The following RAD51B variants were observed in gnomAD, a reference collection of about 807,000 sequenced individuals.
RAD51B encodes RAD51 paralog B.
Under a neutral mutation model 42.2 loss-of-function variants are expected in RAD51B, and 38 were observed. The ratio of observed to expected loss-of-function variants is 0.90; its 90% CI spans 0.70 to 1.18. The LOEUF is 1.18. Ranked by LOEUF, RAD51B falls within the 50% of genes most tolerant of loss-of-function variation. RAD51B has a pLI of 0.00. For synonymous variants in RAD51B, 154 were observed against 145.2 expected (o/e 1.06, Z -0.43); for missense variants, 373 against 400.7 (o/e 0.93, Z 0.59).
At chr14:68,462,489 G>A (rs1183852793) in intron 9 of RAD51B, among the ~76,000 whole-genome samples, 1 of 152,216 alleles carries the variant, frequency 6.6e-6, no homozygotes, top group African/African-American at 2.4e-5. Flanking sequence ...AGATGGTAGT[G>A]GGATTGGGGA....
At chr14:68,506,680 C>G (rs1885350872) in intron 10 of RAD51B, among the ~76,000 whole-genome samples, 1 of 152,134 alleles carries the variant, frequency 6.6e-6, no homozygotes, top group South Asian at 2.1e-4. Flanking sequence ...CCTAGGCGCT[C>G]TCATTTATAC....
At chr14:68,047,142 T>C (rs2076314813) in intron 7 of RAD51B, among the ~76,000 whole-genome samples, 1 of 152,150 alleles carries the variant, frequency 6.6e-6, no homozygotes. Context: ...AGAGCCTATA[T>C]TTGTTTTTTG....
At chr14:67,886,297 A>C (rs1414764615) in intron 6 of RAD51B, among the ~76,000 whole-genome samples, 2 of 152,100 alleles carry the variant, frequency 1.3e-5, no homozygotes, top group Non-Finnish European at 2.9e-5. Context: ...ATAGTTTCTG[A>C]GGGTTAAGTG....
chr14:68,087,423 A>C (rs2077001480), intron 7 of RAD51B, among the ~76,000 whole-genome samples: 1 of 152,242 alleles, frequency 6.6e-6, no homozygotes, highest in East Asian at 1.9e-4. Context: ...TATCATTCCC[A>C]TTATGATTCA....
chr14:68,158,970 G>A (rs930747299), intron 7 of RAD51B, among the ~76,000 whole-genome samples: 3 of 152,106 alleles, frequency 2.0e-5, no homozygotes, highest in African/African-American at 4.8e-5. Flanking sequence ...ACCAAAGTAA[G>A]TGTTAGAAGA....
chr14:68,236,198 CT>C (rs1243383360), intron 7 of RAD51B: 5 of 152,110 alleles, frequency 3.3e-5, no homozygotes, highest in African/African-American at 1.2e-4. Flanking sequence ...ATATGTGCCC[CT>C]GAACCTAAAA....
intron 4 of RAD51B, among the ~76,000 whole-genome samples, chr14:67,855,994 C>T (rs2041987046): frequency 6.6e-6 from 1 of 152,226 alleles, no homozygotes. Context: ...TTCACTTACT[C>T]TCTAATTTAG....
chr14:68,545,678 C>T lies in RAD51B; in HGVS notation c.1037-48807C>T, dbSNP rs566534373. 265 of 453,750 alleles carry T rather than the reference C, an allele frequency of 5.8e-4. 3 individuals are homozygous for T. Among genetic ancestry groups the T allele is most frequent in the Middle Eastern group, 9.8e-4 (3 of 3,064 alleles). 28.1% of individuals were successfully genotyped at this position (453,750 alleles called of 1,614,324 possible). A position where few individuals can be genotyped will look rare whatever the true frequency, so the allele number is the denominator to read the frequency against. On this transcript the variant is annotated intron_variant, in intron 10 of 10. Coordinates refer to the RAD51B transcript ENST00000487270. ...GACACCTATCCATCATTCGCTTGTC[C>T]ACACATTGATTTCCCTAAATATTTA...
intron 7 of RAD51B, among the ~76,000 whole-genome samples, chr14:67,947,598 A>G: frequency 6.6e-6 from 1 of 152,280 alleles, no homozygotes; most frequent in South Asian, 2.1e-4. Flanking sequence ...TTCATCAGTA[A>G]TGTGACTCCC....
chr14:68,341,301 A>C (rs768344663), intron 8 of RAD51B, among the ~76,000 whole-genome samples: 1 of 152,212 alleles, frequency 6.6e-6, no homozygotes, highest in Non-Finnish European at 1.5e-5. Flanking sequence ...TAGCTTCATC[A>C]TTAAATGACA....
At chr14:68,582,434 G>T (rs1322590018) in intron 10 of RAD51B, among the ~76,000 whole-genome samples, 3 of 152,194 alleles carry the variant, frequency 2.0e-5, no homozygotes, top group Non-Finnish European at 4.4e-5. Context: ...CTAGAGAAAT[G>T]CAAATCAAAA....
chr14:67,856,197 C>G (rs2041995533), intron 4 of RAD51B, among the ~76,000 whole-genome samples: 1 of 152,124 alleles, frequency 6.6e-6, no homozygotes, highest in South Asian at 2.1e-4. Flanking sequence ...TCCTCTCTCC[C>G]TTCCCATTTA....
rs529637545 is a variant in RAD51B at position 68,083,931 on chromosome 14, G to A, written c.756+196727G>A. On this transcript the variant is annotated intron_variant, in intron 7 of 10. Transcript: ENST00000471583. ...CATTATGGTTGGTTAAATAAAGAGA[G>A]TGAAAAAGACAGAGAGGGAACGTGA... 2.0e-5 allele frequency among the ~76,000 whole-genome samples: 3 copies of A among 152,268 alleles called. No homozygotes were observed. In the East Asian group the frequency reaches 5.8e-4, roughly 29 times the overall value.
intron 8 of RAD51B, among the ~76,000 whole-genome samples, chr14:68,325,832 C>T (rs894313222): frequency 6.6e-6 from 1 of 152,016 alleles, no homozygotes; most frequent in Admixed American, 6.6e-5. Flanking sequence ...ATAGCACTGA[C>T]CATCCTATTG....
At chr14:68,503,792 A>T (rs916562437) in intron 10 of RAD51B, among the ~76,000 whole-genome samples, 1 of 152,344 alleles carries the variant, frequency 6.6e-6, no homozygotes, top group Admixed American at 6.5e-5. Flanking sequence ...CACCCTGACC[A>T]AGAGGAATCC....
intron 7 of RAD51B, among the ~76,000 whole-genome samples, chr14:68,032,265 C>T (rs1175081877): frequency 2.6e-5 from 4 of 152,078 alleles, no homozygotes; most frequent in Non-Finnish European, 5.9e-5. Flanking sequence ...TGGCTCCTAA[C>T]CTTATTAAGA....
chr14:68,064,076 G>T (rs2076611672), intron 7 of RAD51B, among the ~76,000 whole-genome samples: 1 of 152,066 alleles, frequency 6.6e-6, no homozygotes, highest in Admixed American at 6.5e-5. Context: ...TTTCATGATG[G>T]TAGTTATCAT....
At chr14:68,438,403 C>T (rs1367554322) in intron 9 of RAD51B, among the ~76,000 whole-genome samples, 1 of 152,046 alleles carries the variant, frequency 6.6e-6, no homozygotes, top group African/African-American at 2.4e-5. Context: ...CTCACTGAAA[C>T]AGGCTGGTAA....
chr14:67,935,490 A>G (rs767974783), intron 7 of RAD51B, among the ~76,000 whole-genome samples: 2 of 152,166 alleles, frequency 1.3e-5, no homozygotes, highest in Non-Finnish European at 2.9e-5. Context: ...TCAGCATCCC[A>G]TGTAGCTAGG....
Sources: gnomAD v4.1 joint callset for allele counts (sites outside exome capture counted in the v4.1 genomes callset) on GRCh38, gnomAD v4.1.1 for gene constraint, MANE v1.5 for transcripts, NCBI Gene and HGNC (gene_info 2026-07-23, HGNC 2026-07-21) for gene names.